The following STAB2 variants were observed in gnomAD, a reference collection of about 807,000 sequenced individuals.
STAB2 encodes stabilin 2.
STAB2 carries 288 observed loss-of-function variants against 338.1 expected under a neutral mutation model. That is an observed-to-expected ratio of 0.85 (90% CI 0.77 to 0.94). The LOEUF is 0.94. STAB2 is among the 40% of genes least tolerant of loss of function. The pLI, the probability that STAB2 is intolerant of heterozygous loss-of-function variation, is 0.00. For synonymous variants in STAB2, 1,202 were observed against 1,193.3 expected (o/e 1.01, Z -0.15); for missense variants, 3,141 against 3,210.1 (o/e 0.98, Z 0.52).
intron 20 of STAB2, 48 bp from the exon 21 acceptor site, chr12:103,669,493 G>C: frequency 6.9e-7 from 1 of 1,444,416 alleles, no homozygotes; most frequent in Non-Finnish European, 9.7e-7. Flanking sequence ...TTGAGGAATT[G>C]GTGCTCTACT....
chr12:103,666,985 C>A (rs1036591966), intron 19 of STAB2, among the ~76,000 whole-genome samples: 2 of 152,200 alleles, frequency 1.3e-5, no homozygotes, highest in Non-Finnish European at 2.9e-5. Context: ...GTGCAATGAT[C>A]TATCATTCAT....
At chr12:103,707,896 AGTTC>A in intron 38 of STAB2, among the ~76,000 whole-genome samples, 1 of 152,354 alleles carries the variant, frequency 6.6e-6, no homozygotes, top group African/African-American at 2.4e-5. Context: ...TTTGTGCATG[AGTTC>A]CTAAAATGGG....
chr12:103,616,490 G>C (rs1358391743), intron 3 of STAB2, among the ~76,000 whole-genome samples: 2 of 152,206 alleles, frequency 1.3e-5, no homozygotes, highest in Non-Finnish European at 2.9e-5. Flanking sequence ...TGGAGGAACA[G>C]ATTCAGTGGA....
chr12:103,608,191 T>C (rs1432402918), intron 3 of STAB2, among the ~76,000 whole-genome samples: 1 of 152,138 alleles, frequency 6.6e-6, no homozygotes, highest in African/African-American at 2.4e-5. Context: ...CAGGCTGGAG[T>C]GCAGTGGTGC....
At chr12:103,736,819 A>G (rs1234533064) in intron 52 of STAB2, among the ~76,000 whole-genome samples, 3 of 152,158 alleles carry the variant, frequency 2.0e-5, no homozygotes, top group African/African-American at 7.2e-5. Context: ...TCTCCATCCC[A>G]TCCATAGATG....
At chr12:103,689,742 C>A in intron 28 of STAB2, 104 bp from the exon 29 acceptor site, 1 of 1,453,618 alleles carries the variant, frequency 6.9e-7, no homozygotes, top group Non-Finnish European at 9.3e-7. Flanking sequence ...CCCTAGGACC[C>A]TTCCAGTATC....
intron 19 of STAB2, among the ~76,000 whole-genome samples, chr12:103,667,550 A>G (rs987076822): frequency 6.6e-6 from 1 of 152,140 alleles, no homozygotes; most frequent in Non-Finnish European, 1.5e-5. Context: ...GGAAGAGGGA[A>G]AAGAAAGGGA....
At chr12:103,613,763 C>T (rs1047924978) in intron 3 of STAB2, among the ~76,000 whole-genome samples, 29 of 152,256 alleles carry the variant, frequency 1.9e-4, no homozygotes, top group African/African-American at 5.1e-4. Context: ...AGAAATCATC[C>T]GTCTTCTGCG....
chr12:103,737,597 TCTCTTTCTC>T lies in STAB2; in HGVS notation c.5551-36_5551-28del, dbSNP rs1439248044. 2.6e-4 allele frequency: 343 copies of T among 1,324,256 alleles called. 4 individuals carry two copies. The highest frequency in any genetic ancestry group is 2.8e-4 in the East Asian group (10 of 35,522). 82.0% of individuals were successfully genotyped at this position (1,324,256 alleles called of 1,614,324 possible). ...GTTTCTCTCTCTCTCTCTCTCTCTC[TCTCTTTCTC>T]TTTTTTTTTTTTTTTTTTCTTTCTT... On this transcript the variant is annotated intron_variant, in intron 52 of 68. Coordinates refer to ENST00000388887, the MANE Select transcript of STAB2 (RefSeq NM_017564.10).
intron 24 of STAB2, 54 bp from the exon 25 acceptor site, chr12:103,677,399 T>C (rs1386460370): frequency 4.6e-6 from 7 of 1,536,274 alleles, no homozygotes; most frequent in Non-Finnish European, 5.3e-6. Context: ...ATTTTTGGAA[T>C]CATGTGGCTG....
chr12:103,712,347 T>C lies in STAB2; in HGVS notation c.4335-20T>C, dbSNP rs1229368654. On this transcript the variant is annotated intron_variant, in intron 40 of 68. Transcript: ENST00000388887. ...GTGGAGTATTTTTCTACAAACCCCA[T>C]TTGTCCTTCCTTGTTGCAGCTGCCT... 6.2e-7 allele frequency: 1 copy of C among 1,604,754 alleles called. No homozygotes were observed. Among genetic ancestry groups the C allele is most frequent in the Admixed American group, 1.7e-5 (1 of 60,006 alleles).
intron 51 of STAB2, among the ~76,000 whole-genome samples, chr12:103,735,244 G>T (rs1214856247): frequency 6.6e-6 from 1 of 152,086 alleles, no homozygotes. Flanking sequence ...AGCATAGATG[G>T]GAGATGGAAG....
At chr12:103,735,466 T>C in intron 51 of STAB2, 25 bp from the exon 52 acceptor site, 1 of 1,557,276 alleles carries the variant, frequency 6.4e-7, no homozygotes, top group Non-Finnish European at 8.7e-7. Flanking sequence ...TTTGGGGCAG[T>C]CACGTGGTGC....
At chr12:103,754,961 A>AAT (rs1555254461) in intron 61 of STAB2, 58 of 218,884 alleles carry the variant, frequency 2.6e-4, no homozygotes, top group African/African-American at 6.4e-4. Context: ...AAAAAAAAAA[A>AAT]TTTGAGTTCT....
At chr12:103,764,701 G>GTGGTAACAGATTTAATATAAATGCAA (rs1348082663) in intron 68 of STAB2, among the ~76,000 whole-genome samples, 1 of 152,182 alleles carries the variant, frequency 6.6e-6, no homozygotes, top group Non-Finnish European at 1.5e-5. Context: ...CTTCATGCCT[G>GTGGTAACAGATTTAATATAAATGCAA]TGGTAACAGA....
At chr12:103,679,705 G>C (rs1038377045) in intron 25 of STAB2, among the ~76,000 whole-genome samples, 55 of 152,190 alleles carry the variant, frequency 3.6e-4, no homozygotes, top group African/African-American at 1.3e-3. Context: ...AGCTGCTATG[G>C]AAAACAGCAC....
chr12:103,596,651 A>G (rs1004948980), intron 3 of STAB2, among the ~76,000 whole-genome samples: 6 of 152,232 alleles, frequency 3.9e-5, no homozygotes, highest in African/African-American at 1.2e-4. Flanking sequence ...GATGAATAAA[A>G]TGACACTCCT....
intron 2 of STAB2, 136 bp from the exon 3 acceptor site, chr12:103,594,259 G>A (rs770052901): frequency 8.1e-5 from 50 of 613,544 alleles, no homozygotes; most frequent in Middle Eastern, 4.5e-4. Flanking sequence ...TACCTAGAAA[G>A]CCAAATGTGT....
chr12:103,658,445 T>G (rs1410056000), intron 15 of STAB2, among the ~76,000 whole-genome samples: 1 of 152,138 alleles, frequency 6.6e-6, no homozygotes, highest in Non-Finnish European at 1.5e-5. Context: ...ACGGGAGTGA[T>G]GCGGATCAAT....
Sources: gnomAD v4.1 joint callset for allele counts (sites outside exome capture counted in the v4.1 genomes callset) on GRCh38, gnomAD v4.1.1 for gene constraint, MANE v1.5 for transcripts, NCBI Gene and HGNC (gene_info 2026-07-23, HGNC 2026-07-21) for gene names.